DEPTOR: variants seen among roughly 807,000 people sequenced by gnomAD.
DEPTOR encodes the protein DEP domain-containing mTOR-interacting protein.
In DEPTOR, 41 loss-of-function variants were observed where a neutral mutation model predicts 41.6. That is an observed-to-expected ratio of 0.98 (90% CI 0.77 to 1.28). The LOEUF is 1.28. Ranked by LOEUF, DEPTOR falls within the 50% of genes most tolerant of loss-of-function variation. The pLI is 0.00. For missense variants in DEPTOR, 514 were observed against 527.9 expected, an observed-to-expected ratio of 0.97 and a Z score of 0.26; for synonymous variants, 195 against 192.3, an observed-to-expected ratio of 1.01 and a Z score of -0.12.
At chr8:119,947,457 C>T (rs1377088366) in intron 3 of DEPTOR, among the ~76,000 whole-genome samples, 1 of 152,182 alleles carries the variant, frequency 6.6e-6, no homozygotes, top group Non-Finnish European at 1.5e-5. Context: ...ACCAGTGGCT[C>T]CTGCTTGCTG....
At chr8:120,036,612 C>T (rs1420052373) in intron 8 of DEPTOR, among the ~76,000 whole-genome samples, 2 of 152,148 alleles carry the variant, frequency 1.3e-5, no homozygotes, top group Non-Finnish European at 2.9e-5. Flanking sequence ...GACACAAACA[C>T]ATAACTTATT....
chr8:119,897,910 A>G (rs6469863), intron 1 of DEPTOR, among the ~76,000 whole-genome samples: 75,733 of 152,112 alleles, frequency 0.5, 20,577 homozygotes, highest in East Asian at 0.92. Flanking sequence ...TGCTCCTGCT[A>G]TTAATAGTAG....
At chr8:119,956,923 G>C (rs1193869691) in intron 3 of DEPTOR, among the ~76,000 whole-genome samples, 1 of 151,940 alleles carries the variant, frequency 6.6e-6, no homozygotes, top group African/African-American at 2.4e-5. Flanking sequence ...TTTTAGTAGA[G>C]ACGGGGTTTC....
chr8:120,020,607 G>T (rs7817075), intron 8 of DEPTOR, among the ~76,000 whole-genome samples: 3 of 152,080 alleles, frequency 2.0e-5, no homozygotes. Flanking sequence ...TTGTGTTCAC[G>T]TAGGGCTTGA....
chr8:119,942,522 G>C (rs1329582196), intron 3 of DEPTOR, among the ~76,000 whole-genome samples: 2 of 152,054 alleles, frequency 1.3e-5, no homozygotes, highest in Non-Finnish European at 2.9e-5. Context: ...TGATTTAAAG[G>C]TAAATATATT....
At chr8:119,929,555 C>G (rs1266048924) in intron 2 of DEPTOR, among the ~76,000 whole-genome samples, 2 of 151,986 alleles carry the variant, frequency 1.3e-5, no homozygotes, top group Non-Finnish European at 2.9e-5. Context: ...GTGTGAACTT[C>G]CTAAATATGA....
chr8:119,967,523 C>T (rs1284937672), intron 4 of DEPTOR, among the ~76,000 whole-genome samples: 1 of 151,462 alleles, frequency 6.6e-6, no homozygotes, highest in Non-Finnish European at 1.5e-5. Context: ...GAGGCTGAGG[C>T]TGGTGGATCA....
At chr8:119,946,888 C>T (rs1360402634) in intron 3 of DEPTOR, among the ~76,000 whole-genome samples, 3 of 152,148 alleles carry the variant, frequency 2.0e-5, no homozygotes, top group Non-Finnish European at 4.4e-5. Flanking sequence ...TCACCTGCCA[C>T]CTGATGCTGC....
At chr8:119,967,204 G>C (rs1383880241) in intron 4 of DEPTOR, among the ~76,000 whole-genome samples, 1 of 151,748 alleles carries the variant, frequency 6.6e-6, no homozygotes, top group Non-Finnish European at 1.5e-5. Context: ...TTAGCCTTCC[G>C]AGTTGCTGAG....
In DEPTOR at chr8:119,879,651, C is replaced by T. The variant is rs973688618; in HGVS notation, c.122+5683C>T. 2.6e-5 allele frequency among the ~76,000 whole-genome samples: 4 copies of T among 152,110 alleles called. No individual in the cohort carries two copies. The East Asian group carries it at 7.7e-4, about 29-fold the overall frequency. ...GCTTGAACCCAGGAGGCAGAGGTTGCAGTGAGCTGAGATTGCACCATGACA... is the reference window on the plus strand; with the variant it reads ...GCTTGAACCCAGGAGGCAGAGGTTGTAGTGAGCTGAGATTGCACCATGACA... On this transcript the variant is annotated intron_variant, in intron 1 of 8. Transcript: ENST00000286234.
chr8:119,931,481 G>A (rs1394408793), intron 3 of DEPTOR, among the ~76,000 whole-genome samples: 1 of 152,130 alleles, frequency 6.6e-6, no homozygotes, highest in African/African-American at 2.4e-5. Context: ...TTTAGCTCAG[G>A]GTCTCTGGTG....
intron 3 of DEPTOR, among the ~76,000 whole-genome samples, chr8:119,961,394 C>T (rs1586633976): frequency 3.9e-5 from 5 of 127,132 alleles, no homozygotes; most frequent in African/African-American, 1.5e-4. Flanking sequence ...CCAGCCTGGG[C>T]AACAAGAGTG....
At chr8:120,035,408 T>C (rs894824115) in intron 8 of DEPTOR, among the ~76,000 whole-genome samples, 3 of 152,166 alleles carry the variant, frequency 2.0e-5, no homozygotes, top group Non-Finnish European at 4.4e-5. Context: ...TTACAGGGTA[T>C]TCTAAAGAAC....
At chr8:120,007,438 T>C (rs142040362) in intron 7 of DEPTOR, among the ~76,000 whole-genome samples, 4 of 152,268 alleles carry the variant, frequency 2.6e-5, no homozygotes, top group African/African-American at 9.6e-5. Flanking sequence ...TCTGACTTGC[T>C]GTGAGCAGCT....
rs1423024589 is a variant in DEPTOR, at chr8:120,001,710, G to A, written c.790G>A (p.Val264Met). ...DNRKSTSFMS[V>M]SPSKEIKIVS... Reference sequence around the variant, plus strand: ...TCGGAAATCTACCAGCTTTATGTCAGGTATGCCATCCCGGCATTTATTGGA... The same window carrying A: ...TCGGAAATCTACCAGCTTTATGTCAAGTATGCCATCCCGGCATTTATTGGA... Residue 264 changes from valine to methionine, a missense_variant and splice_region_variant, in exon 5 of 9, where the codon GTG becomes ATG. By Grantham distance (21) the Val-to-Met change is conservative (BLOSUM62 1). Transcript: ENST00000286234. The A allele has an allele frequency of 6.2e-7, 1 of 1,607,776 alleles. No homozygotes were observed. Among genetic ancestry groups the A allele is most frequent in the Middle Eastern group, 1.7e-4 (1 of 6,026 alleles).
intron 1 of DEPTOR, among the ~76,000 whole-genome samples, chr8:119,901,675 CAAAAAAAAAA>C (rs36026315): frequency 1.1e-5 from 1 of 88,298 alleles, no homozygotes; most frequent in African/African-American, 3.7e-5. Flanking sequence ...GACTCTGTCT[CAAAAAAAAAA>C]AAAAAAAAAG....
At chr8:119,953,906 G>A (rs1171342801) in intron 3 of DEPTOR, among the ~76,000 whole-genome samples, 3 of 148,844 alleles carry the variant, frequency 2.0e-5, no homozygotes, top group Non-Finnish European at 3.0e-5. Flanking sequence ...CCCAGTTCAA[G>A]CAATTCTCCT....
chr8:119,984,189 G>A (rs953447705), intron 4 of DEPTOR, among the ~76,000 whole-genome samples: 1 of 152,118 alleles, frequency 6.6e-6, no homozygotes, highest in Non-Finnish European at 1.5e-5. Context: ...GACACCCTGG[G>A]CCCTTGCATG....
In DEPTOR at chr8:119,925,801, T is replaced by G. The variant is rs1827956619; in HGVS notation, c.123-2599T>G. Among the ~76,000 whole-genome samples the G allele has an allele frequency of 2.6e-5, 4 of 152,258 alleles. No individual in the cohort carries two copies. In the South Asian group the frequency reaches 8.3e-4, roughly 32 times the overall value. ...CACCGTGCCTGGCTAATTTTTGTAT[T>G]TGCAGTAGAGACGGGGTTTCACCAT... On this transcript the variant is annotated intron_variant, in intron 1 of 8. Coordinates refer to ENST00000286234, the MANE Select transcript of DEPTOR (RefSeq NM_022783.4).
Sources: gnomAD v4.1 joint callset for allele counts (sites outside exome capture counted in the v4.1 genomes callset) on GRCh38, gnomAD v4.1.1 for gene constraint, MANE v1.5 for transcripts, NCBI Gene and HGNC (gene_info 2026-07-23, HGNC 2026-07-21) for gene names.